NLRP11: variants seen among roughly 807,000 people sequenced by gnomAD.
NLRP11 encodes NACHT, LRR and PYD domains-containing protein 11.
NLRP11 carries 53 observed loss-of-function variants against 79.3 expected under a neutral mutation model. The ratio of observed to expected loss-of-function variants is 0.67; its 90% CI spans 0.54 to 0.84. The LOEUF (loss-of-function observed/expected upper bound fraction) is 0.84. Among genes scored for constraint, NLRP11 ranks in the 40% least tolerant of loss-of-function variants. NLRP11 has a pLI of 0.00. For missense variants in NLRP11, 1,264 were observed against 1,255.0 expected, an observed-to-expected ratio of 1.01 and a Z score of -0.11; for synonymous variants, 518 against 462.6, an observed-to-expected ratio of 1.12 and a Z score of -1.54.
At chr19:55,799,715 A>AGGG (rs1219241115) in intron 5 of NLRP11, among the ~76,000 whole-genome samples, 1 of 151,958 alleles carries the variant, frequency 6.6e-6, no homozygotes, top group Non-Finnish European at 1.5e-5. Context: ...AAAGAAAGTG[A>AGGG]GGGGCTGGGT....
chr19:55,822,400 C>T (rs1431704957), intron 1 of NLRP11, among the ~76,000 whole-genome samples: 1 of 152,150 alleles, frequency 6.6e-6, no homozygotes, highest in Non-Finnish European at 1.5e-5. Flanking sequence ...TATCAGACTG[C>T]AGGGAGGAGC....
intron 2 of NLRP11, among the ~76,000 whole-genome samples, chr19:55,814,773 G>C (rs1980923190): frequency 6.6e-6 from 1 of 152,186 alleles, no homozygotes; most frequent in African/African-American, 2.4e-5. Flanking sequence ...AGCAACACCA[G>C]CTTTTCAACT....
At chr19:55,796,959 G>A (rs370685721) in intron 5 of NLRP11, among the ~76,000 whole-genome samples, 100 of 152,162 alleles carry the variant, frequency 6.6e-4, no homozygotes, top group African/African-American at 1.7e-3. Flanking sequence ...AAAGTGCTGC[G>A]ATTACAGGCA....
At chr19:55,816,612 G>A (rs901643677) in intron 2 of NLRP11, among the ~76,000 whole-genome samples, 5 of 152,076 alleles carry the variant, frequency 3.3e-5, no homozygotes, top group African/African-American at 7.2e-5. Flanking sequence ...CCTCCATGAC[G>A]CTTACACAGA....
At chr19:55,820,374 C>T (rs1052932340) in intron 1 of NLRP11, among the ~76,000 whole-genome samples, 3 of 152,004 alleles carry the variant, frequency 2.0e-5, no homozygotes, top group African/African-American at 7.2e-5. Context: ...GAAGACAAAC[C>T]CTGGGGCACA....
chr19:55,810,352 T>C lies in NLRP11; in HGVS notation c.272-14A>G. On this transcript the variant is annotated splice_polypyrimidine_tract_variant and intron_variant, in intron 2 of 9. Coordinates refer to ENST00000589093, the Ensembl canonical transcript of NLRP11. Reference sequence around the variant, plus strand: ...CCTCCTGATTGCCTAATCCAGCGAGTACAGGGCAGAAAATACAGAACAAAG... The same window carrying C: ...CCTCCTGATTGCCTAATCCAGCGAGCACAGGGCAGAAAATACAGAACAAAG... 6.3e-7 allele frequency: 1 copy of C among 1,588,118 alleles called. No homozygotes were observed. Among genetic ancestry groups the C allele is most frequent in the Non-Finnish European group, 8.6e-7 (1 of 1,166,196 alleles).
chr19:55,818,216 G>A, exon 2 of NLRP11: 3 of 1,541,152 alleles, frequency 1.9e-6, no homozygotes, highest in Non-Finnish European at 2.7e-6. Context: ...AAGGGATTTT[G>A]AGGCACAAGA....
chr19:55,805,279 G>C (rs1266720718), intron 4 of NLRP11, among the ~76,000 whole-genome samples: 1 of 152,038 alleles, frequency 6.6e-6, no homozygotes, highest in Non-Finnish European at 1.5e-5. Flanking sequence ...TTAAAGGAAA[G>C]AGACGGGAAG....
chr19:55,810,367 A>G (rs1980489657), intron 2 of NLRP11, 29 bp from the exon 3 acceptor site: 1 of 1,562,498 alleles, frequency 6.4e-7, no homozygotes, highest in South Asian at 1.2e-5. Context: ...GGCAGAAAAT[A>G]CAGAACAAAG....
At chr19:55,832,566 G>A (rs1056628344), upstream of NLRP11, among the ~76,000 whole-genome samples, 6 of 152,214 alleles carry the variant, frequency 3.9e-5, no homozygotes, top group Non-Finnish European at 8.8e-5. Flanking sequence ...AGTCCTATGC[G>A]CAGGTATCTG....
chr19:55,827,956 C>T (rs1396271357), intron 1 of NLRP11, among the ~76,000 whole-genome samples: 1 of 151,910 alleles, frequency 6.6e-6, no homozygotes, highest in Non-Finnish European at 1.5e-5. Flanking sequence ...GCTATAAAGA[C>T]ACATGCACAA....
At chr19:55,804,438 C>CTT (rs1979785366) in intron 4 of NLRP11, among the ~76,000 whole-genome samples, 2 of 147,826 alleles carry the variant, frequency 1.4e-5, no homozygotes, top group African/African-American at 5.1e-5. Flanking sequence ...AAAAAGAGAG[C>CTT]ATTTTTTTTT....
chr19:55,821,220 C>T (rs989704390), intron 1 of NLRP11, among the ~76,000 whole-genome samples: 20 of 101,146 alleles, frequency 2.0e-4, no homozygotes, highest in Admixed American at 2.9e-4. Context: ...CACACACACA[C>T]ACACACACAC....
chr19:55,812,312 T>C (rs1980679949), intron 2 of NLRP11, among the ~76,000 whole-genome samples: 1 of 152,178 alleles, frequency 6.6e-6, no homozygotes, highest in South Asian at 2.1e-4. Context: ...AATGGCTGAA[T>C]GGCAGATGGC....
chr19:55,787,228 G>A (rs73933369), intron 9 of NLRP11, among the ~76,000 whole-genome samples: 9,653 of 152,232 alleles, frequency 0.063, 904 homozygotes, highest in African/African-American at 0.21. Context: ...TTCTACACAC[G>A]TGACAGTGTG....
At chr19:55,794,942 G>T (rs1001742576) in intron 6 of NLRP11, among the ~76,000 whole-genome samples, 2 of 152,112 alleles carry the variant, frequency 1.3e-5, no homozygotes, top group Admixed American at 1.3e-4. Flanking sequence ...GGCGAAAGGA[G>T]CTAAAGGGAG....
chr19:55,806,099 T>G (rs1029179928), intron 4 of NLRP11, among the ~76,000 whole-genome samples: 4 of 152,230 alleles, frequency 2.6e-5, no homozygotes, highest in African/African-American at 9.6e-5. Flanking sequence ...CTCAAAGGCC[T>G]TCGCTAGTTT....
intron 6 of NLRP11, among the ~76,000 whole-genome samples, chr19:55,793,732 G>A (rs187960991): frequency 4.9e-4 from 74 of 152,146 alleles, no homozygotes; most frequent in African/African-American, 1.6e-3. Context: ...TGATTTTTGT[G>A]CTTTAAAATG....
At chr19:55,819,283 C>T (rs941123470) in intron 1 of NLRP11, among the ~76,000 whole-genome samples, 4 of 152,106 alleles carry the variant, frequency 2.6e-5, no homozygotes, top group Non-Finnish European at 5.9e-5. Context: ...CCTGGCCAGG[C>T]TCCTGCTGTA....
Sources: allele counts gnomAD v4.1 joint callset (sites outside exome capture counted in the v4.1 genomes callset), GRCh38; gene constraint gnomAD v4.1.1; transcripts MANE v1.5; gene names NCBI Gene and HGNC (gene_info 2026-07-23, HGNC 2026-07-21).